Variants in ARFGEF3 observed in about 807,000 individuals in gnomAD.
ARFGEF3 encodes brefeldin A-inhibited guanine nucleotide-exchange protein 3.
In ARFGEF3, 96 loss-of-function variants were observed where a neutral mutation model predicts 221.7. The observed-to-expected ratio is 0.43, with a 90% CI of 0.37 to 0.51. The LOEUF is 0.51. Ranked by LOEUF, ARFGEF3 falls within the 20% of genes least tolerant of loss-of-function variation. The pLI is 0.00. For missense variants in ARFGEF3, 2,410 were observed against 2,789.9 expected, an observed-to-expected ratio of 0.86 and a Z score of 3.07; for synonymous variants, 1,145 against 1,126.8, an observed-to-expected ratio of 1.02 and a Z score of -0.32.
intron 4 of ARFGEF3, among the ~76,000 whole-genome samples, chr6:138,212,505 A>G (rs552028354): frequency 1.3e-5 from 2 of 152,378 alleles, no homozygotes; most frequent in Admixed American, 1.3e-4. Context: ...TGACCCAGCT[A>G]TCCCATTATC....
chr6:138,247,978 T>G (rs979592369), intron 8 of ARFGEF3, among the ~76,000 whole-genome samples: 3 of 152,180 alleles, frequency 2.0e-5, no homozygotes, highest in Non-Finnish European at 4.4e-5. Flanking sequence ...TGTTATAGGA[T>G]TTTAACATGA....
At chr6:138,233,662 C>T (rs1031855033) in intron 5 of ARFGEF3, among the ~76,000 whole-genome samples, 3 of 152,162 alleles carry the variant, frequency 2.0e-5, no homozygotes, top group Admixed American at 6.5e-5. Flanking sequence ...CAGGTATGAG[C>T]CACCGTACCC....
In ARFGEF3 at chr6:138,339,782, CT is replaced by C. The variant is rs1780395127; in HGVS notation, c.*3297del. 6.6e-6 allele frequency: 1 copy of C among 152,238 alleles called. No homozygotes were observed. Among genetic ancestry groups the C allele is most frequent in the Non-Finnish European group, 1.5e-5 (1 of 68,104 alleles). The allele number at this position is 152,238 out of a possible 1,614,324, so 9.4% of individuals were successfully genotyped here. A position where few individuals can be genotyped will look rare whatever the true frequency, so the allele number is the denominator to read the frequency against. ...CTGCTTTTAAAAATAGTTAGTTAGG[CT>C]GCCTTTTTACACCACCTTCTCTCTC... is the stretch of plus-strand genomic sequence containing the variant. On this transcript the variant is annotated 3_prime_UTR_variant, in exon 34 of 34. Coordinates refer to ENST00000251691, the MANE Select transcript of ARFGEF3 (RefSeq NM_020340.5).
intron 12 of ARFGEF3, among the ~76,000 whole-genome samples, chr6:138,270,306 G>A (rs1778979518): frequency 6.6e-6 from 1 of 152,102 alleles, no homozygotes; most frequent in African/African-American, 2.4e-5. Flanking sequence ...TTATTGTAAT[G>A]TCATTGGTGA....
rs555450683 is a variant in ARFGEF3, at chr6:138,266,982, T to A, written c.2128+3371T>A. On this transcript the variant is annotated intron_variant, in intron 12 of 33. Transcript: ENST00000251691. Reference sequence around the variant, plus strand: ...CTCTTCCCAGCTGGGAATATTCATATGGAGACGTTTGGCAGCCTTGGCTAC... The same window carrying A: ...CTCTTCCCAGCTGGGAATATTCATAAGGAGACGTTTGGCAGCCTTGGCTAC... Among the ~76,000 whole-genome samples the A allele has an allele frequency of 2.0e-5, 3 of 152,272 alleles. No individual in the cohort carries two copies. In the East Asian group the frequency reaches 5.8e-4, roughly 29 times the overall value.
In ARFGEF3 at chr6:138,262,689, A is replaced by G. The variant is rs1778815328; in HGVS notation, c.1218-12A>G. On this transcript the variant is annotated splice_polypyrimidine_tract_variant and intron_variant, in intron 11 of 33. Transcript: ENST00000251691. The stretch of plus-strand genomic sequence containing the variant: ...TGCATTTATTCCATTTTCTCTTTTG[A>G]ACACTGTTTAGCATCATGGATGGCA... The G allele has an allele frequency of 1.3e-6, 2 of 1,578,052 alleles. No individual in the cohort carries two copies. Among genetic ancestry groups the G allele is most frequent in the African/African-American group, 2.7e-5 (2 of 73,990 alleles).
intron 2 of ARFGEF3, among the ~76,000 whole-genome samples, chr6:138,185,040 C>G (rs1777155255): frequency 6.6e-6 from 1 of 152,216 alleles, no homozygotes; most frequent in Admixed American, 6.5e-5. Flanking sequence ...TGCTCCTTAT[C>G]CTCAATGAAC....
chr6:138,286,087 A>AGTG, intron 15 of ARFGEF3, 34 bp downstream of exon 15: 6 of 1,155,066 alleles, frequency 5.2e-6, no homozygotes, highest in Non-Finnish European at 7.8e-6. Context: ...ATGAACATCC[A>AGTG]TACACTGCAT....
At chr6:138,177,641 A>G (rs964766852) in intron 2 of ARFGEF3, among the ~76,000 whole-genome samples, 24 of 152,236 alleles carry the variant, frequency 1.6e-4, no homozygotes, top group Middle Eastern at 6.8e-3. Context: ...ATATAGTCCC[A>G]AATATCTCAA....
intron 6 of ARFGEF3, among the ~76,000 whole-genome samples, chr6:138,242,498 T>C (rs1321854447): frequency 6.6e-6 from 1 of 152,180 alleles, no homozygotes; most frequent in Non-Finnish European, 1.5e-5. Flanking sequence ...TCCAGGAACC[T>C]AATCCTTCTT....
At chr6:138,171,063 C>G (rs1376899416) in intron 2 of ARFGEF3, among the ~76,000 whole-genome samples, 1 of 148,642 alleles carries the variant, frequency 6.7e-6, no homozygotes, top group African/African-American at 2.6e-5. Context: ...GAGCAGAGCC[C>G]TCATGGCCAG....
intron 2 of ARFGEF3, among the ~76,000 whole-genome samples, chr6:138,175,009 G>T (rs934311482): frequency 6.6e-6 from 1 of 152,128 alleles, no homozygotes; most frequent in Non-Finnish European, 1.5e-5. Context: ...CTGGTGACTG[G>T]ATTCAGTTAT....
intron 24 of ARFGEF3, 102 bp downstream of exon 24, chr6:138,308,963 G>A (rs1430747431): frequency 1.2e-5 from 16 of 1,363,260 alleles, no homozygotes; most frequent in East Asian, 6.9e-5. Context: ...GAACAAGCAC[G>A]CATCCTGGGG....
intron 25 of ARFGEF3, among the ~76,000 whole-genome samples, chr6:138,313,159 G>C (rs949923350): frequency 1.1e-4 from 16 of 152,178 alleles, no homozygotes; most frequent in African/African-American, 3.9e-4. Context: ...AACAATGTGG[G>C]CATGGCAGGA....
Position 138,250,704 on chromosome 6 carries a change from C to T in ARFGEF3, c.666-3176C>T, listed in dbSNP as rs6902194. 7.9e-3 allele frequency among the ~76,000 whole-genome samples: 1,210 copies of T among 152,366 alleles called. 12 individuals are homozygous for T. The highest frequency in any genetic ancestry group is 0.026 in the African/African-American group (1,100 of 41,596). ...TTTGCCTTCACGGCCTGCGGGTCCA[C>T]GCCTGAGCGTTGTTCTCCACAGATC... is the stretch of plus-strand genomic sequence containing the variant. On this transcript the variant is annotated intron_variant, in intron 8 of 33. Coordinates refer to ENST00000251691, the MANE Select transcript of ARFGEF3 (RefSeq NM_020340.5).
Position 138,323,648 on chromosome 6 carries a change from C to T in ARFGEF3, c.4767-23C>T, listed in dbSNP as rs539980117. On this transcript the variant is annotated intron_variant, in intron 29 of 33. Coordinates refer to ENST00000251691, the MANE Select transcript of ARFGEF3 (RefSeq NM_020340.5). ...CAACAACAACAACAAAAAAAAAACT[C>T]CTTTACTTGTTTCTTTTGGCAGATA... 27 of 1,597,998 alleles carry T rather than the reference C, an allele frequency of 1.7e-5. No homozygotes were observed. The East Asian group carries it at 5.6e-4, about 33-fold the overall frequency.
chr6:138,267,912 G>A (rs569981598), intron 12 of ARFGEF3, among the ~76,000 whole-genome samples: 68 of 152,344 alleles, frequency 4.5e-4, no homozygotes, highest in African/African-American at 1.4e-3. Flanking sequence ...TTTATTGACT[G>A]TAATTTAGTT....
intron 12 of ARFGEF3, among the ~76,000 whole-genome samples, chr6:138,272,568 A>G (rs780577354): frequency 2.0e-5 from 3 of 152,272 alleles, no homozygotes; most frequent in Non-Finnish European, 2.9e-5. Flanking sequence ...AATACTGCTT[A>G]TCTCAGCCTG....
At chr6:138,254,056 C>A in intron 9 of ARFGEF3, 72 bp downstream of exon 9, 3 of 1,011,908 alleles carry the variant, frequency 3.0e-6, no homozygotes, top group South Asian at 1.7e-5. Context: ...TCTCTGGGTC[C>A]CTCTCCATGA....
Sources: allele counts gnomAD v4.1 joint callset (sites outside exome capture counted in the v4.1 genomes callset), GRCh38; gene constraint gnomAD v4.1.1; transcripts MANE v1.5; gene names NCBI Gene and HGNC (gene_info 2026-07-23, HGNC 2026-07-21).